PREX2: variants seen among roughly 807,000 people sequenced by gnomAD.
PREX2 encodes phosphatidylinositol-3,4,5-trisphosphate dependent Rac exchange factor 2.
PREX2 carries 107 observed loss-of-function variants against 203.2 expected under a neutral mutation model. The observed-to-expected ratio is 0.53, with a 90% confidence interval of 0.45 to 0.62. The LOEUF (loss-of-function observed/expected upper bound fraction) is 0.62. Among genes scored for constraint, PREX2 ranks in the 20% least tolerant of loss-of-function variants. The pLI is 0.00. For synonymous variants in PREX2, 672 were observed against 663.6 expected (o/e 1.01, Z -0.19); for missense variants, 1,777 against 1,955.9 (o/e 0.91, Z 1.72).
In PREX2 at chr8:68,234,049, G is replaced by A. The variant is rs1448191655; in HGVS notation, c.*2671G>A. On this transcript the variant is annotated 3_prime_UTR_variant, in exon 40 of 40. Transcript: ENST00000288368. Reference sequence around the variant, plus strand: ...GCACATTTTGAGGTAACTCAACAGTGTTGCAATCTGAAAAACTATTTTGTA... The same window carrying A: ...GCACATTTTGAGGTAACTCAACAGTATTGCAATCTGAAAAACTATTTTGTA... 6.6e-6 allele frequency: 1 copy of A among 152,180 alleles called. No individual in the cohort carries two copies. The highest frequency in any genetic ancestry group is 2.4e-5 in the African/African-American group (1 of 41,450). 9.4% of individuals were successfully genotyped at this position (152,180 alleles called of 1,614,324 possible). A position where few individuals can be genotyped will look rare whatever the true frequency, so the allele number is the denominator to read the frequency against.
intron 1 of PREX2, among the ~76,000 whole-genome samples, chr8:67,984,585 A>G (rs1383427331): frequency 6.6e-6 from 1 of 152,192 alleles, no homozygotes; most frequent in East Asian, 1.9e-4. Flanking sequence ...TAAGAAAGGA[A>G]TTTCTTCAAC....
chr8:68,130,331 A>C (rs1028328495), intron 31 of PREX2, among the ~76,000 whole-genome samples: 1 of 151,954 alleles, frequency 6.6e-6, no homozygotes, highest in Non-Finnish European at 1.5e-5. Flanking sequence ...CAAAAAACCC[A>C]AAAATACCTT....
chr8:68,003,392 CA>C (rs1348859754), intron 1 of PREX2, among the ~76,000 whole-genome samples: 1 of 152,074 alleles, frequency 6.6e-6, no homozygotes, highest in African/African-American at 2.4e-5. Context: ...TCTCAGACGG[CA>C]AAAGATTATT....
At chr8:68,043,973 A>G (rs1374924658) in intron 7 of PREX2, among the ~76,000 whole-genome samples, 1 of 152,144 alleles carries the variant, frequency 6.6e-6, no homozygotes, top group Non-Finnish European at 1.5e-5. Context: ...CAACAAGTAT[A>G]CAGTGATTAT....
chr8:68,224,768 A>G, intron 39 of PREX2, 142 bp downstream of exon 39: 1 of 615,266 alleles, frequency 1.6e-6, no homozygotes, highest in South Asian at 2.1e-5. Flanking sequence ...TGAAACACCC[A>G]ATGGCTAAGT....
intron 23 of PREX2, chr8:68,105,586 C>T: frequency 2.7e-6 from 3 of 1,093,176 alleles, no homozygotes; most frequent in Non-Finnish European, 1.1e-6. Context: ...ACCAAAATTT[C>T]TAACTATCTG....
chr8:68,023,895 A>C (rs1018809093), intron 4 of PREX2, among the ~76,000 whole-genome samples: 2 of 152,080 alleles, frequency 1.3e-5, no homozygotes, highest in Non-Finnish European at 2.9e-5. Flanking sequence ...TTTTGCATAT[A>C]GGATCAATTA....
chr8:68,184,448 G>T (rs1027939378), intron 35 of PREX2, among the ~76,000 whole-genome samples: 1 of 152,130 alleles, frequency 6.6e-6, no homozygotes, highest in Non-Finnish European at 1.5e-5. Context: ...TTTCTGAAAT[G>T]CAGAACACTT....
chr8:68,034,945 T>G (rs1162920460), intron 6 of PREX2, among the ~76,000 whole-genome samples: 2 of 152,084 alleles, frequency 1.3e-5, no homozygotes, highest in Non-Finnish European at 2.9e-5. Flanking sequence ...TGAGGATAAG[T>G]GGTTCTGGAA....
At chr8:68,223,024 G>A (rs1181947957) in intron 38 of PREX2, among the ~76,000 whole-genome samples, 2 of 152,206 alleles carry the variant, frequency 1.3e-5, no homozygotes, top group South Asian at 4.1e-4. Flanking sequence ...AGGGGAGTGA[G>A]GAGACAGGTA....
intron 8 of PREX2, among the ~76,000 whole-genome samples, chr8:68,048,579 C>T (rs1416787937): frequency 1.3e-5 from 2 of 151,688 alleles, no homozygotes; most frequent in Admixed American, 6.6e-5. Context: ...ATGTTGAATA[C>T]ATTTTTTTTA....
chr8:68,101,900 G>C (rs902378376), intron 23 of PREX2, among the ~76,000 whole-genome samples: 2 of 152,060 alleles, frequency 1.3e-5, no homozygotes, highest in African/African-American at 4.8e-5. Flanking sequence ...CATAATCTTA[G>C]GATCAGGGTA....
At chr8:68,212,019 A>G (rs1052985172) in intron 37 of PREX2, among the ~76,000 whole-genome samples, 1 of 152,188 alleles carries the variant, frequency 6.6e-6, no homozygotes, top group African/African-American at 2.4e-5. Flanking sequence ...AAATTGTTTC[A>G]TGTCAACCAG....
At chr8:68,046,977 A>G (rs1343664409) in intron 8 of PREX2, among the ~76,000 whole-genome samples, 1 of 152,064 alleles carries the variant, frequency 6.6e-6, no homozygotes, top group Non-Finnish European at 1.5e-5. Flanking sequence ...CAGATGATCG[A>G]AATGAGGCCA....
chr8:68,177,600 A>G (rs1488794461), intron 35 of PREX2, among the ~76,000 whole-genome samples: 2 of 152,006 alleles, frequency 1.3e-5, no homozygotes, highest in African/African-American at 2.4e-5. Flanking sequence ...AATTCCCCAA[A>G]CTCAACATCT....
intron 35 of PREX2, among the ~76,000 whole-genome samples, chr8:68,173,338 G>C (rs1811915887): frequency 6.6e-6 from 1 of 152,110 alleles, no homozygotes; most frequent in African/African-American, 2.4e-5. Context: ...CATAGCCAAG[G>C]TTCATAAATT....
chr8:67,986,212 A>G (rs916102820), intron 1 of PREX2, among the ~76,000 whole-genome samples: 2 of 152,220 alleles, frequency 1.3e-5, no homozygotes, highest in South Asian at 2.1e-4. Context: ...CAGTGTGTGT[A>G]TATAAATTCT....
intron 22 of PREX2, among the ~76,000 whole-genome samples, chr8:68,098,403 G>A (rs1482061361): frequency 2.6e-5 from 4 of 151,954 alleles, no homozygotes; most frequent in African/African-American, 9.7e-5. Context: ...TTATCTTTTG[G>A]TTTTATATTC....
intron 1 of PREX2, among the ~76,000 whole-genome samples, chr8:67,975,870 AT>A (rs35288660): frequency 0.36 from 47,367 of 133,068 alleles, 8,058 homozygotes; most frequent in East Asian, 0.59. Context: ...TGCCCGGCTA[AT>A]TTTTTTTTTT....
Sources: gnomAD v4.1 joint callset for allele counts (sites outside exome capture counted in the v4.1 genomes callset) on GRCh38, gnomAD v4.1.1 for gene constraint, MANE v1.5 for transcripts, NCBI Gene and HGNC (gene_info 2026-07-23, HGNC 2026-07-21) for gene names.